C19orf53: variants seen among roughly 807,000 people sequenced by gnomAD.
C19orf53 encodes chromosome 19 open reading frame 53, also known as leydig cell tumor 10 kDa protein homolog.
A neutral mutation model predicts 6.5 loss-of-function variants in C19orf53; 9 were observed. That is an observed-to-expected ratio of 1.38 (90% confidence interval 0.83 to 2.40). C19orf53 has a LOEUF of 2.40. Among genes scored for constraint, C19orf53 ranks in the 30% most tolerant of loss-of-function variants. The pLI is 0.00. For synonymous variants in C19orf53, 68 were observed against 52.5 expected (o/e 1.29, Z -1.27); for missense variants, 166 against 129.7 (o/e 1.28, Z -1.36).
At position 13,778,287 on chromosome 19, in the gene C19orf53, G is replaced by A; in HGVS notation, c.*89G>A. ...ATCCCACAGGCTGCACTGTCAGGAA[G>A]AGGACCCTGTCCCCCAGCACTGGGC... On this transcript the variant is annotated 3_prime_UTR_variant, in exon 3 of 3. Coordinates refer to ENST00000588234, the MANE Select transcript of C19orf53 (RefSeq NM_014047.3). 1 of 1,424,298 alleles carries A rather than the reference G, an allele frequency of 7.0e-7. No individual in the cohort carries two copies. Among genetic ancestry groups the A allele is most frequent in the Non-Finnish European group, 9.3e-7 (1 of 1,077,904 alleles). The allele number at this position is 1,424,298 out of a possible 1,614,324, so 88.2% of individuals were successfully genotyped here. A position where few individuals can be genotyped will look rare whatever the true frequency, so the allele number is the denominator to read the frequency against.
rs563516168 is a variant in C19orf53, at chr19:13,778,657, T to C, written c.*459T>C. 3.9e-5 allele frequency among the ~76,000 whole-genome samples: 6 copies of C among 152,264 alleles called. No individual in the cohort carries two copies. In the South Asian group the frequency reaches 1.2e-3, roughly 32 times the overall value. On this transcript the variant is annotated 3_prime_UTR_variant, in exon 3 of 3. Transcript: ENST00000588234. ...TTTTCTCCATTTAACCCCGGGTGAC[T>C]CACTCCCTGGCCAGTCCTCACCCCT...
chr19:13,776,060 C>G lies in C19orf53; in HGVS notation c.153+1353C>G, dbSNP rs141859144. On this transcript the variant is annotated intron_variant, in intron 2 of 2. Transcript: ENST00000588234. ...GCAACCTCTGCCTCCTGGGTTCAAG[C>G]GATTTTCCTCCCTCAGCCTCCCGAG... Among the ~76,000 whole-genome samples the G allele has an allele frequency of 3.1e-4, 47 of 150,928 alleles. No homozygotes were observed. In the East Asian group the frequency reaches 8.4e-3, roughly 27 times the overall value.
chr19:13,776,818 A>G (rs928368652), intron 2 of C19orf53, among the ~76,000 whole-genome samples: 1 of 152,164 alleles, frequency 6.6e-6, no homozygotes, highest in African/African-American at 2.4e-5. Context: ...ATCCTTTAAC[A>G]GTGTAACATA....
At chr19:13,777,956 C>G (rs1029886263) in intron 2 of C19orf53, 96 bp from the exon 3 acceptor site, 137 of 1,476,062 alleles carry the variant, frequency 9.3e-5, no homozygotes, top group Non-Finnish European at 1.2e-4. Flanking sequence ...AGTTGCTGAT[C>G]TAGCCCCCTG....
intron 2 of C19orf53, among the ~76,000 whole-genome samples, chr19:13,776,670 T>C (rs1305455238): frequency 6.6e-6 from 1 of 152,162 alleles, no homozygotes; most frequent in Non-Finnish European, 1.5e-5. Context: ...GCACTGGCTG[T>C]TTCCTCTGCC....
Position 13,778,319 on chromosome 19 carries a change from T to A in C19orf53, c.*121T>A, listed in dbSNP as rs1363572653. ...CTGTCCCCCAGCACTGGGCTTCACCTAGAACTTCAGTGGGGGCCAAGGGTG... is the reference window on the plus strand; with the variant it reads ...CTGTCCCCCAGCACTGGGCTTCACCAAGAACTTCAGTGGGGGCCAAGGGTG... On this transcript the variant is annotated 3_prime_UTR_variant, in exon 3 of 3. Transcript: ENST00000588234. The A allele has an allele frequency of 2.4e-6, 3 of 1,262,258 alleles. No homozygotes were observed. Among genetic ancestry groups the A allele is most frequent in the Non-Finnish European group, 3.1e-6 (3 of 953,448 alleles). 78.2% of individuals were successfully genotyped at this position (1,262,258 alleles called of 1,614,324 possible). A position where few individuals can be genotyped will look rare whatever the true frequency, so the allele number is the denominator to read the frequency against.
At chr19:13,775,439 G>A (rs1449382757) in intron 2 of C19orf53, 1 of 152,450 alleles carries the variant, frequency 6.6e-6, no homozygotes, top group Non-Finnish European at 1.5e-5. Context: ...GCCAATACGC[G>A]GCTAATTTTA....
In C19orf53 at chr19:13,778,354, C is replaced by G; in HGVS notation, c.*156C>G. 1 of 849,754 alleles carries G rather than the reference C, an allele frequency of 1.2e-6. No individual in the cohort carries two copies. The highest frequency in any genetic ancestry group is 2.5e-5 in the South Asian group (1 of 39,946). The allele number at this position is 849,754 out of a possible 1,614,324, so 52.6% of individuals were successfully genotyped here. On this transcript the variant is annotated 3_prime_UTR_variant, in exon 3 of 3. Coordinates refer to ENST00000588234, the MANE Select transcript of C19orf53 (RefSeq NM_014047.3). Reference sequence around the variant, plus strand: ...GTGGGGGCCAAGGGTGCTGAGAACCCAGCAATGACCAGGAAGATACAGTCA... The same window carrying G: ...GTGGGGGCCAAGGGTGCTGAGAACCGAGCAATGACCAGGAAGATACAGTCA...
intron 2 of C19orf53, among the ~76,000 whole-genome samples, chr19:13,776,192 C>T (rs1242160802): frequency 7.4e-6 from 1 of 135,308 alleles, no homozygotes; most frequent in Non-Finnish European, 1.5e-5. Flanking sequence ...GTTGGCCAGG[C>T]TGGTCTCGAA....
rs1180269931 is a variant in C19orf53, at chr19:13,778,178, T to A, written c.280T>A (p.Ser94Thr). Residue 94 changes from serine (S) to threonine (T), a missense_variant, in exon 3 of 3, where the codon TCC becomes ACC. By Grantham distance (58) the Ser-to-Thr change is moderately conservative (BLOSUM62 1). Transcript: ENST00000588234. Reference sequence around the variant, plus strand: ...GAAGAAAGGGGCAGCTGCCGCCACCTCCTCCAAGACACCTTCCTGAGGACG... The same window carrying A: ...GAAGAAAGGGGCAGCTGCCGCCACCACCTCCAAGACACCTTCCTGAGGACG... ...AKKKGAAAAT[S>T]SKTPS is the part of the protein sequence containing the mutation. 1.2e-6 allele frequency: 2 copies of A among 1,608,698 alleles called. No individual in the cohort carries two copies. Among genetic ancestry groups the A allele is most frequent in the East Asian group, 2.2e-5 (1 of 44,644 alleles).
At position 13,778,178 on chromosome 19, in the gene C19orf53, T is replaced by G; in HGVS notation, c.280T>G (p.Ser94Ala). The change falls in exon 3 of 3, where the codon TCC (serine) becomes GCC (alanine). Residue 94 changes from serine (S) to alanine (A), a missense_variant. Ser to Ala is a moderately conservative substitution (Grantham distance 99, BLOSUM62 1). Transcript: ENST00000588234. ...AKKKGAAAAT[S>A]SKTPS is the part of the protein sequence containing the mutation. ...GAAGAAAGGGGCAGCTGCCGCCACC[T>G]CCTCCAAGACACCTTCCTGAGGACG... 1 of 1,608,698 alleles carries G rather than the reference T, an allele frequency of 6.2e-7. No homozygotes were observed. Among genetic ancestry groups the G allele is most frequent in the Non-Finnish European group, 8.5e-7 (1 of 1,176,854 alleles).
In C19orf53 at chr19:13,774,638, A is replaced by C. The variant is rs184522517; in HGVS notation, c.98-14A>C. 2.7e-3 allele frequency: 4,284 copies of C among 1,612,482 alleles called. 17 individuals carry two copies. Among genetic ancestry groups the C allele is most frequent in the Non-Finnish European group, 3.3e-3 (3,914 of 1,178,578 alleles). On this transcript the variant is annotated splice_polypyrimidine_tract_variant and intron_variant, in intron 1 of 2. Transcript: ENST00000588234. ...CCCGGCTTCCCGGCCTCACGTGAGC[A>C]CATCTTTCCCCAGGTCGTGTTATCG...
chr19:13,776,040 C>T (rs559766216), intron 2 of C19orf53, among the ~76,000 whole-genome samples: 1 of 151,934 alleles, frequency 6.6e-6, no homozygotes, highest in South Asian at 2.1e-4. Context: ...TAGGTGCAAC[C>T]TCTGCCTCCT....
At chr19:13,777,933 G>T in intron 2 of C19orf53, 119 bp from the exon 3 acceptor site, 3 of 1,289,148 alleles carry the variant, frequency 2.3e-6, no homozygotes, top group Admixed American at 2.3e-5. Flanking sequence ...AGTCAGGTGC[G>T]GTTCGAGGGG....
intron 2 of C19orf53, among the ~76,000 whole-genome samples, chr19:13,777,570 G>T (rs1305838452): frequency 6.6e-6 from 1 of 152,138 alleles, no homozygotes; most frequent in Non-Finnish European, 1.5e-5. Flanking sequence ...TGGGAAAGGC[G>T]ACTGAGCCAC....
rs775883437 is a variant in C19orf53, at chr19:13,774,684, G to T, written c.130G>T (p.Val44Leu). The T allele has an allele frequency of 1.2e-6, 2 of 1,608,730 alleles. No homozygotes were observed. Among genetic ancestry groups the T allele is most frequent in the Non-Finnish European group, 1.7e-6 (2 of 1,175,580 alleles). Residue 44 changes from valine (V) to leucine (L), a missense_variant, in exon 2 of 3, where the codon GTG (valine) becomes TTG (leucine). Coordinates refer to ENST00000588234, the MANE Select transcript of C19orf53 (RefSeq NM_014047.3). ...TATCGCTCCCAAGAAGGCGCGCGTCGTGCAGCAGCAAAAGCTCAAGAAGGT... is the reference window on the plus strand; with the variant it reads ...TATCGCTCCCAAGAAGGCGCGCGTCTTGCAGCAGCAAAAGCTCAAGAAGGT... ...RVIAPKKARV[V>L]QQQKLKKNLE...
rs140825055 is a variant in C19orf53 at position 13,778,509 on chromosome 19, G to A, written c.*311G>A. On this transcript the variant is annotated 3_prime_UTR_variant, in exon 3 of 3. Coordinates refer to ENST00000588234, the MANE Select transcript of C19orf53 (RefSeq NM_014047.3). ...GTGAGCAGGCCAGGTGAGCCCACAA[G>A]TCTCCATGAGTGACGTGGCCTGGCG... 6.9e-4 allele frequency: 152 copies of A among 219,748 alleles called. No individual in the cohort carries two copies. The highest frequency in any genetic ancestry group is 3.2e-3 in the African/African-American group (142 of 43,926). 13.6% of individuals were successfully genotyped at this position (219,748 alleles called of 1,614,324 possible).
rs141902877 is a variant in C19orf53 at position 13,778,037 on chromosome 19, G to T, written c.154-15G>T. The T allele has an allele frequency of 3.6e-5, 58 of 1,601,944 alleles. No individual in the cohort carries two copies. The highest frequency in any genetic ancestry group is 4.5e-5 in the Non-Finnish European group (53 of 1,173,094). On this transcript the variant is annotated splice_polypyrimidine_tract_variant and intron_variant, in intron 2 of 2. Coordinates refer to ENST00000588234, the MANE Select transcript of C19orf53 (RefSeq NM_014047.3). The stretch of plus-strand genomic sequence containing the variant: ...CCCCAGGTCACAATCTGACTGCCCC[G>T]TGCTTCTCCCTCAGAACCTAGAAGT...
At position 13,778,120 on chromosome 19, in the gene C19orf53, C is replaced by A; in HGVS notation, c.222C>A (p.Pro74=). The A allele has an allele frequency of 6.2e-7, 1 of 1,613,348 alleles. No individual in the cohort carries two copies. Among genetic ancestry groups the A allele is most frequent in the East Asian group, 2.2e-5 (1 of 44,810 alleles). Residue 74 remains proline (P), a synonymous_variant, in exon 3 of 3, where the codon CCC becomes CCA. Transcript: ENST00000588234. ...DVVMKASSSL[P]KKLALLKAPA... ...TGATGAAAGCCAGCAGCAGCCTGCC[C>A]AAGAAGCTGGCACTGCTGAAGGCCC...
Sources: allele counts gnomAD v4.1 joint callset (sites outside exome capture counted in the v4.1 genomes callset), GRCh38; gene constraint gnomAD v4.1.1; transcripts MANE v1.5; gene names NCBI Gene and HGNC (gene_info 2026-07-23, HGNC 2026-07-21).